Variants in AFF1 observed in about 807,000 individuals in gnomAD.
AFF1 encodes the protein ALF transcription elongation factor 1.
In AFF1, 48 loss-of-function variants were observed where a neutral mutation model predicts 121.7. The ratio of observed to expected loss-of-function variants is 0.39; its 90% CI spans 0.31 to 0.50. AFF1 has a LOEUF of 0.50. Ranked by LOEUF, AFF1 falls within the 20% of genes least tolerant of loss-of-function variation. The pLI, the probability that AFF1 is intolerant of heterozygous loss-of-function variation, is 0.76. For missense variants in AFF1, 1,523 were observed against 1,511.7 expected, an observed-to-expected ratio of 1.01 and a Z score of -0.12; for synonymous variants, 613 against 563.0, an observed-to-expected ratio of 1.09 and a Z score of -1.26.
chr4:87,011,119 C>A (rs1219429742), intron 2 of AFF1, among the ~76,000 whole-genome samples: 1 of 151,596 alleles, frequency 6.6e-6, no homozygotes, highest in African/African-American at 2.4e-5. Flanking sequence ...TCACCTGATG[C>A]CACCTGAGAA....
At chr4:86,953,074 C>T (rs2053775) in intron 2 of AFF1, among the ~76,000 whole-genome samples, 69,308 of 150,716 alleles carry the variant, frequency 0.46, 19,187 homozygotes, top group South Asian at 0.62. Context: ...TTTTGTTTTG[C>T]TAGTTATTAA....
rs1188906260 is a variant in AFF1 at position 87,141,009 on chromosome 4, CAAAA to C, written c.*5312_*5315del. Reference sequence around the variant, plus strand: ...ATAAGAGGATCAAGCTGTAAAAAAACAAAAAAATTAATAAAAATTTCGAGAAATC... The same window carrying C: ...ATAAGAGGATCAAGCTGTAAAAAAACAAATTAATAAAAATTTCGAGAAATC... On this transcript the variant is annotated 3_prime_UTR_variant, in exon 21 of 21. Coordinates refer to ENST00000395146, the MANE Select transcript of AFF1 (RefSeq NM_001166693.3). 5.6e-5 allele frequency: 10 copies of C among 177,874 alleles called. No individual in the cohort carries two copies. The highest frequency in any genetic ancestry group is 8.5e-5 in the Non-Finnish European group (7 of 82,604). The allele number at this position is 177,874 out of a possible 1,614,324, so 11.0% of individuals were successfully genotyped here. A position where few individuals can be genotyped will look rare whatever the true frequency, so the allele number is the denominator to read the frequency against.
rs547483899 is a variant in AFF1 at position 87,080,680 on chromosome 4, G to A, written c.1060-3440G>A. 5.3e-5 allele frequency among the ~76,000 whole-genome samples: 8 copies of A among 152,298 alleles called. No individual in the cohort carries two copies. The South Asian group carries it at 1.7e-3, about 32-fold the overall frequency. On this transcript the variant is annotated intron_variant, in intron 4 of 20. Transcript: ENST00000395146. ...ATCTCTGTAAAAGAAGGGGATTAGG[G>A]GATTAGGATGTAACGGTTTAACTGC...
rs574598290 is a variant in AFF1 at position 87,099,238 on chromosome 4, C to CT, written c.1283+4271dup. On this transcript the variant is annotated intron_variant, in intron 8 of 20. Transcript: ENST00000395146. ...GTAGAAATCTGCCCCATGTGTAAAG[C>CT]TTAGAACTTGACATTGAAGTAATAT... is the stretch of plus-strand genomic sequence containing the variant. Among the ~76,000 whole-genome samples the CT allele has an allele frequency of 3.2e-4, 48 of 152,284 alleles. 1 individual carries two copies. The highest frequency in any genetic ancestry group is 1.1e-3 in the African/African-American group (47 of 41,560).
intron 2 of AFF1, among the ~76,000 whole-genome samples, chr4:87,002,104 CTT>C (rs764965353): frequency 9.9e-5 from 14 of 141,922 alleles, no homozygotes; most frequent in African/African-American, 1.8e-4. Context: ...TTTTCTTTTC[CTT>C]TTTTTTTTTT....
intron 8 of AFF1, among the ~76,000 whole-genome samples, chr4:87,098,819 T>A (rs930610245): frequency 1.3e-5 from 2 of 152,354 alleles, no homozygotes; most frequent in Admixed American, 1.3e-4. Flanking sequence ...ATGTGAAGGC[T>A]GAGATTGGGA....
chr4:86,977,158 C>T (rs1723363453), intron 2 of AFF1, among the ~76,000 whole-genome samples: 1 of 152,012 alleles, frequency 6.6e-6, no homozygotes, highest in Non-Finnish European at 1.5e-5. Flanking sequence ...CTAAGACCCC[C>T]AGTGAGTCCT....
intron 12 of AFF1, among the ~76,000 whole-genome samples, chr4:87,122,945 A>C (rs1297382669): frequency 1.3e-5 from 2 of 148,512 alleles, no homozygotes; most frequent in Admixed American, 1.3e-4. Flanking sequence ...CCCAGGCTGG[A>C]GTGCAGTGGC....
chr4:86,966,890 C>A (rs1210449662), intron 2 of AFF1, among the ~76,000 whole-genome samples: 5 of 152,124 alleles, frequency 3.3e-5, no homozygotes, highest in Admixed American at 6.6e-5. Flanking sequence ...AGTTTGATTC[C>A]CTTAGTGTGG....
At chr4:87,119,248 T>C (rs114582129) in intron 12 of AFF1, among the ~76,000 whole-genome samples, 2,235 of 152,142 alleles carry the variant, frequency 0.015, 54 homozygotes, top group African/African-American at 0.051. Context: ...ATATATACAG[T>C]AATACACAAC....
At chr4:87,066,644 G>T (rs918989207) in intron 4 of AFF1, among the ~76,000 whole-genome samples, 1 of 152,144 alleles carries the variant, frequency 6.6e-6, no homozygotes, top group African/African-American at 2.4e-5. Flanking sequence ...GGGTAGTACT[G>T]ACATGGCCTG....
At chr4:87,012,910 G>A (rs1726924168) in intron 2 of AFF1, among the ~76,000 whole-genome samples, 1 of 152,072 alleles carries the variant, frequency 6.6e-6, no homozygotes, top group African/African-American at 2.4e-5. Flanking sequence ...AGCTTAACCT[G>A]ATGGCCACAG....
intron 2 of AFF1, among the ~76,000 whole-genome samples, chr4:86,953,974 G>A (rs1721564582): frequency 1.3e-5 from 2 of 152,264 alleles, no homozygotes; most frequent in African/African-American, 2.4e-5. Flanking sequence ...GCCTCTCAAA[G>A]TGCTGGGATT....
chr4:87,045,150 G>A (rs1040003416), intron 2 of AFF1, among the ~76,000 whole-genome samples: 1 of 152,094 alleles, frequency 6.6e-6, no homozygotes, highest in African/African-American at 2.4e-5. Context: ...GGGGAAGGGC[G>A]TCTGACATCA....
intron 2 of AFF1, among the ~76,000 whole-genome samples, chr4:87,001,771 G>A (rs2149521295): frequency 6.6e-6 from 1 of 152,296 alleles, no homozygotes; most frequent in East Asian, 1.9e-4. Context: ...CTCATTAGCA[G>A]TCCTCCTTGC....
At chr4:87,104,178 G>T (rs546724935) in intron 8 of AFF1, among the ~76,000 whole-genome samples, 1 of 152,138 alleles carries the variant, frequency 6.6e-6, no homozygotes, top group African/African-American at 2.4e-5. Context: ...AGGCTGAGGT[G>T]GGCAGACCAC....
At chr4:87,041,648 T>G in intron 2 of AFF1, among the ~76,000 whole-genome samples, 1 of 151,838 alleles carries the variant, frequency 6.6e-6, no homozygotes, top group Non-Finnish European at 1.5e-5. Context: ...GGATACATTT[T>G]TCCTTAACAC....
At chr4:86,986,025 AAATTTAATTCAATTCAATTTAATTT>A (rs1724233680) in intron 2 of AFF1, among the ~76,000 whole-genome samples, 1 of 136,424 alleles carries the variant, frequency 7.3e-6, no homozygotes, top group Non-Finnish European at 1.6e-5. Flanking sequence ...CCTTTTTTTA[AAATTTAATTCAATTCAATTTAATTT>A]AATTTAATTT....
In AFF1 at chr4:87,114,582, A is replaced by AACC; in HGVS notation, c.1749_1750insACC (p.Glu583_Ala584insThr). The stretch of plus-strand genomic sequence containing the variant: ...GCAAAGCCCCCCGGGCCCCACCCGA[A>AACC]GCCCCCCACCCCGGAAAGAGGAGCT... On this transcript the variant is annotated inframe_insertion, in exon 12 of 21. Coordinates refer to ENST00000395146, the MANE Select transcript of AFF1 (RefSeq NM_001166693.3). 7.1e-7 allele frequency: 1 copy of AACC among 1,412,576 alleles called. No individual in the cohort carries two copies. Among genetic ancestry groups the AACC allele is most frequent in the Non-Finnish European group, 9.6e-7 (1 of 1,043,574 alleles). 87.5% of individuals were successfully genotyped at this position (1,412,576 alleles called of 1,614,324 possible).
Sources: allele counts gnomAD v4.1 joint callset (sites outside exome capture counted in the v4.1 genomes callset), GRCh38; gene constraint gnomAD v4.1.1; transcripts MANE v1.5; gene names NCBI Gene and HGNC (gene_info 2026-07-23, HGNC 2026-07-21).